Variants in CHST9 observed in about 807,000 individuals in gnomAD.
CHST9 encodes the protein carbohydrate sulfotransferase 9.
Under a neutral mutation model 44.4 loss-of-function variants are expected in CHST9, and 41 were observed. The ratio of observed to expected loss-of-function variants is 0.92; its 90% CI spans 0.72 to 1.20. The LOEUF (loss-of-function observed/expected upper bound fraction) is 1.20. Ranked by LOEUF, CHST9 falls within the 50% of genes most tolerant of loss-of-function variation. The pLI is 0.00. For synonymous variants in CHST9, 171 were observed against 178.4 expected (o/e 0.96, Z 0.33); for missense variants, 504 against 516.5 (o/e 0.98, Z 0.23).
chr18:27,090,382 C>A (rs1172254399), intron 2 of CHST9, among the ~76,000 whole-genome samples: 1 of 152,074 alleles, frequency 6.6e-6, no homozygotes, highest in Non-Finnish European at 1.5e-5. Context: ...GAAATTTTCT[C>A]CTATTCTCTA....
intron 2 of CHST9, among the ~76,000 whole-genome samples, chr18:27,096,806 A>G (rs2058121271): frequency 6.6e-6 from 1 of 152,100 alleles, no homozygotes; most frequent in South Asian, 2.1e-4. Flanking sequence ...CCAACGAAAA[A>G]AAAGCCTCAA....
At chr18:26,963,178 CCT>C (rs2056421926) in intron 4 of CHST9, among the ~76,000 whole-genome samples, 2 of 152,140 alleles carry the variant, frequency 1.3e-5, no homozygotes, top group Non-Finnish European at 2.9e-5. Context: ...AGTCAGTCTG[CCT>C]CTCAACATAG....
chr18:27,125,652 A>G (rs773293288), intron 2 of CHST9, among the ~76,000 whole-genome samples: 3 of 152,244 alleles, frequency 2.0e-5, no homozygotes, highest in Non-Finnish European at 4.4e-5. Flanking sequence ...CCCACATATC[A>G]GTTAAATGTC....
chr18:26,937,495 G>T (rs2056014535), intron 5 of CHST9, among the ~76,000 whole-genome samples: 1 of 152,032 alleles, frequency 6.6e-6, no homozygotes, highest in Non-Finnish European at 1.5e-5. Flanking sequence ...TGGAGAGAAA[G>T]GAATTCAGAA....
chr18:27,068,120 C>T (rs1317403143), intron 2 of CHST9, among the ~76,000 whole-genome samples: 7 of 151,864 alleles, frequency 4.6e-5, no homozygotes, highest in Admixed American at 3.9e-4. Flanking sequence ...TACAGATACT[C>T]GAGTGGGAAT....
chr18:27,148,445 C>A (rs921809958), intron 1 of CHST9, among the ~76,000 whole-genome samples: 1 of 119,688 alleles, frequency 8.4e-6, no homozygotes, highest in Non-Finnish European at 1.6e-5. Context: ...GTGTGATGTT[C>A]CCCTTCCTGT....
chr18:27,149,263 TA>T (rs1224268997), intron 1 of CHST9, among the ~76,000 whole-genome samples: 1 of 151,262 alleles, frequency 6.6e-6, no homozygotes, highest in Non-Finnish European at 1.5e-5. Context: ...TTAGTTTAAT[TA>T]GATCCCATTT....
chr18:27,158,265 C>G (rs1211690093), intron 1 of CHST9, among the ~76,000 whole-genome samples: 1 of 151,782 alleles, frequency 6.6e-6, no homozygotes, highest in Non-Finnish European at 1.5e-5. Flanking sequence ...TCCCCCCACC[C>G]CACAACAGGC....
At chr18:27,088,802 C>T (rs1170727585) in intron 2 of CHST9, among the ~76,000 whole-genome samples, 2 of 152,100 alleles carry the variant, frequency 1.3e-5, no homozygotes, top group Admixed American at 1.3e-4. Flanking sequence ...GATAGATGCA[C>T]AGATTTAGGG....
intron 2 of CHST9, among the ~76,000 whole-genome samples, chr18:27,114,535 G>A (rs1016209728): frequency 1.3e-5 from 2 of 152,172 alleles, no homozygotes; most frequent in Non-Finnish European, 2.9e-5. Flanking sequence ...ATTATGCACA[G>A]AGTTGTACAA....
intron 4 of CHST9, among the ~76,000 whole-genome samples, chr18:27,004,213 C>T (rs538981407): frequency 1.6e-4 from 25 of 151,774 alleles, no homozygotes; most frequent in Admixed American, 1.4e-3. Context: ...TTACTGCGAG[C>T]AACAGAGGGA....
At chr18:27,112,692 A>T (rs989889072) in intron 2 of CHST9, among the ~76,000 whole-genome samples, 1 of 151,790 alleles carries the variant, frequency 6.6e-6, no homozygotes, top group African/African-American at 2.4e-5. Flanking sequence ...TTCCTGACAC[A>T]AAACTCTAAG....
At chr18:26,923,872 T>A (rs1017796237) in intron 5 of CHST9, among the ~76,000 whole-genome samples, 1 of 152,128 alleles carries the variant, frequency 6.6e-6, no homozygotes, top group Admixed American at 6.5e-5. Context: ...AGGGAGGTGA[T>A]GCCTGAGATG....
chr18:26,948,785 G>A (rs920401752), intron 4 of CHST9, among the ~76,000 whole-genome samples: 1 of 152,142 alleles, frequency 6.6e-6, no homozygotes, highest in Non-Finnish European at 1.5e-5. Flanking sequence ...AAATAAGAAC[G>A]AATTTTGCAG....
At position 27,109,980 on chromosome 18, in the gene CHST9, G is replaced by A. The variant is rs183279946; in HGVS notation, c.121+32709C>T. On this transcript the variant is annotated intron_variant, in intron 2 of 5. Transcript: ENST00000618847. Reference sequence around the variant, plus strand: ...GGGAAAGTCCAATTTCCTTTATTTAGGTATAAGCAGAGTTGAGTCATTTAT... The same window carrying A: ...GGGAAAGTCCAATTTCCTTTATTTAAGTATAAGCAGAGTTGAGTCATTTAT... 2.8e-4 allele frequency among the ~76,000 whole-genome samples: 42 copies of A among 152,230 alleles called. No individual in the cohort carries two copies. The East Asian group carries it at 7.7e-3, about 28-fold the overall frequency.
rs559458016 is a variant in CHST9 at position 27,048,846 on chromosome 18, C to T, written c.122-343G>A. Among the ~76,000 whole-genome samples, 50 of 152,136 alleles carry T rather than the reference C, an allele frequency of 3.3e-4. No individual in the cohort carries two copies. The South Asian group carries it at 4.2e-3, about 13-fold the overall frequency. ...TAAGACTATGCCCTCTTACAACCCA[C>T]TTGAAAAAATAGAAAGGACAGACAA... is the stretch of plus-strand genomic sequence containing the variant. On this transcript the variant is annotated intron_variant, in intron 2 of 5. Coordinates refer to ENST00000618847, the MANE Select transcript of CHST9 (RefSeq NM_031422.6).
chr18:26,934,391 C>T (rs1369259939), intron 5 of CHST9: 2 of 151,954 alleles, frequency 1.3e-5, no homozygotes, highest in East Asian at 1.9e-4. Context: ...CCCGCAACCA[C>T]GCCCGGCTAA....
intron 2 of CHST9, among the ~76,000 whole-genome samples, chr18:27,142,254 T>C (rs1391023328): frequency 6.6e-6 from 1 of 152,212 alleles, no homozygotes; most frequent in Non-Finnish European, 1.5e-5. Flanking sequence ...ACCCCTCCTT[T>C]ATAATAAAGG....
At chr18:27,115,593 C>T (rs961218813) in intron 2 of CHST9, among the ~76,000 whole-genome samples, 2 of 152,292 alleles carry the variant, frequency 1.3e-5, no homozygotes, top group South Asian at 4.1e-4. Flanking sequence ...TGGCTCACTG[C>T]AGCCTCAACC....
Sources: gnomAD v4.1 joint callset for allele counts (sites outside exome capture counted in the v4.1 genomes callset) on GRCh38, gnomAD v4.1.1 for gene constraint, MANE v1.5 for transcripts, NCBI Gene and HGNC (gene_info 2026-07-23, HGNC 2026-07-21) for gene names.